ALOX5AP: variants seen among roughly 807,000 people sequenced by gnomAD.
ALOX5AP encodes arachidonate 5-lipoxygenase-activating protein.
Under a neutral mutation model 18.5 loss-of-function variants are expected in ALOX5AP, and 9 were observed. That is an observed-to-expected ratio of 0.49 (90% confidence interval 0.29 to 0.85). The LOEUF (loss-of-function observed/expected upper bound fraction) is 0.85. Among genes scored for constraint, ALOX5AP ranks in the 40% least tolerant of loss-of-function variants. ALOX5AP has a pLI of 0.08. For synonymous variants in ALOX5AP, 81 were observed against 78.6 expected (o/e 1.03, Z -0.16); for missense variants, 172 against 202.5 (o/e 0.85, Z 0.91).
chr13:30,730,437 G>A (rs1381780633), intron 1 of ALOX5AP, among the ~76,000 whole-genome samples: 2 of 152,094 alleles, frequency 1.3e-5, no homozygotes, highest in African/African-American at 4.8e-5. Context: ...GCTCAATATT[G>A]GTCTGAATAT....
chr13:30,717,139 C>T (rs140539227), intron 1 of ALOX5AP, among the ~76,000 whole-genome samples: 16 of 152,336 alleles, frequency 1.1e-4, no homozygotes, highest in Non-Finnish European at 1.9e-4. Context: ...CCAATGTCCC[C>T]GGGCAAATGA....
At chr13:30,749,287 A>G (rs980004257) in intron 2 of ALOX5AP, among the ~76,000 whole-genome samples, 27 of 152,332 alleles carry the variant, frequency 1.8e-4, no homozygotes, top group Middle Eastern at 3.4e-3. Context: ...TGCATAACCC[A>G]GACAAAATCG....
chr13:30,754,132 G>A (rs893256673), intron 3 of ALOX5AP, among the ~76,000 whole-genome samples: 3 of 152,102 alleles, frequency 2.0e-5, no homozygotes, highest in Non-Finnish European at 4.4e-5. Context: ...CCAGCTACTC[G>A]GGAGGCTGAG....
chr13:30,718,105 G>A (rs919675833), intron 1 of ALOX5AP, among the ~76,000 whole-genome samples: 9 of 151,840 alleles, frequency 5.9e-5, no homozygotes, highest in East Asian at 5.8e-4. Context: ...GATTACAGGC[G>A]TGTGCCACCA....
chr13:30,720,155 C>G (rs933002874), intron 1 of ALOX5AP, among the ~76,000 whole-genome samples: 2 of 152,186 alleles, frequency 1.3e-5, no homozygotes, highest in Non-Finnish European at 2.9e-5. Flanking sequence ...CCACCGCGCC[C>G]GGCCTCTAGA....
intron 4 of ALOX5AP, among the ~76,000 whole-genome samples, chr13:30,761,865 A>C (rs1951944792): frequency 6.6e-6 from 1 of 152,178 alleles, no homozygotes; most frequent in Admixed American, 6.5e-5. Flanking sequence ...TTATCTCTTT[A>C]AACACCCTGT....
At chr13:30,726,275 G>T (rs375696851) in intron 1 of ALOX5AP, among the ~76,000 whole-genome samples, 71 of 152,288 alleles carry the variant, frequency 4.7e-4, no homozygotes, top group African/African-American at 1.6e-3. Context: ...TTACCAAGGA[G>T]AAATTGGACT....
At chr13:30,718,330 G>C (rs1951565706) in intron 1 of ALOX5AP, among the ~76,000 whole-genome samples, 1 of 150,578 alleles carries the variant, frequency 6.6e-6, no homozygotes, top group Non-Finnish European at 1.5e-5. Context: ...TGTAGTAAGG[G>C]CTATGGGAGT....
intron 4 of ALOX5AP, among the ~76,000 whole-genome samples, chr13:30,757,330 G>A (rs1249506181): frequency 1.3e-5 from 2 of 152,096 alleles, no homozygotes; most frequent in South Asian, 2.1e-4. Flanking sequence ...ACCGTGAGCC[G>A]GGCTGCAGCT....
In ALOX5AP at chr13:30,735,549, A is replaced by G; in HGVS notation, c.-57A>G. On this transcript the variant is annotated 5_prime_UTR_variant, in exon 1 of 5. Transcript: ENST00000380490. ...AAGCTCTCACTTCCCCTTCCTGTAC[A>G]GGGCAGGTTGTGCAGCTGGAGGCAG... The G allele has an allele frequency of 6.2e-7, 1 of 1,609,900 alleles. No homozygotes were observed. Among genetic ancestry groups the G allele is most frequent in the East Asian group, 2.2e-5 (1 of 44,820 alleles).
upstream of ALOX5AP, among the ~76,000 whole-genome samples, chr13:30,730,842 C>T (rs1028569580): frequency 2.0e-5 from 3 of 152,198 alleles, no homozygotes; most frequent in African/African-American, 7.2e-5. Context: ...CACTGCTTGG[C>T]CCCAGCTGTC....
chr13:30,741,063 G>T (rs1188294418), intron 1 of ALOX5AP, among the ~76,000 whole-genome samples: 1 of 145,466 alleles, frequency 6.9e-6, no homozygotes, highest in African/African-American at 2.5e-5. Flanking sequence ...ATATAAAATG[G>T]CATAGTATTT....
intron 4 of ALOX5AP, among the ~76,000 whole-genome samples, chr13:30,761,328 C>T (rs1017584271): frequency 1.2e-4 from 19 of 152,312 alleles, no homozygotes; most frequent in Middle Eastern, 3.4e-3. Flanking sequence ...CATCAGGAGG[C>T]GCTGCCATTT....
rs1278903858 is a variant in ALOX5AP, at chr13:30,744,069, C to A, written c.80C>A (p.Ala27Asp). Residue 27 changes from alanine to aspartate, a missense_variant, in exon 2 of 5, where the codon GCC becomes GAC. Transcript: ENST00000380490. ...CCTTTTCCCTTGGCAGGATTCTTTG[C>A]CCATAAAGTGGAGCACGAAAGCAGG... is the stretch of plus-strand genomic sequence containing the variant. ...LISVVQNGFF[A>D]HKVEHESRTQ... is the part of the protein sequence containing the mutation. 1 of 1,613,940 alleles carries A rather than the reference C, an allele frequency of 6.2e-7. No individual in the cohort carries two copies. The highest frequency in any genetic ancestry group is 1.1e-5 in the South Asian group (1 of 91,076).
intron 4 of ALOX5AP, among the ~76,000 whole-genome samples, chr13:30,763,170 T>A (rs535143455): frequency 6.6e-6 from 1 of 151,826 alleles, no homozygotes; most frequent in Admixed American, 6.6e-5. Flanking sequence ...TAGCTGGGAG[T>A]GGTGGCGTGC....
At chr13:30,756,990 A>C (rs913922328) in intron 4 of ALOX5AP, among the ~76,000 whole-genome samples, 2 of 152,186 alleles carry the variant, frequency 1.3e-5, no homozygotes, top group Non-Finnish European at 2.9e-5. Flanking sequence ...TAATACTTAC[A>C]GAAGAAATGT....
chr13:30,723,780 T>C (rs1036422140), intron 1 of ALOX5AP, among the ~76,000 whole-genome samples: 2 of 152,240 alleles, frequency 1.3e-5, no homozygotes, highest in Non-Finnish European at 2.9e-5. Context: ...TTTAAATTTT[T>C]TTAGAGACAG....
chr13:30,723,338 G>A (rs1951609058), intron 1 of ALOX5AP, among the ~76,000 whole-genome samples: 1 of 152,178 alleles, frequency 6.6e-6, no homozygotes, highest in Non-Finnish European at 1.5e-5. Context: ...AGTTGTTCCA[G>A]CACCATTTGT....
intron 1 of ALOX5AP, among the ~76,000 whole-genome samples, chr13:30,723,225 G>A (rs1247924175): frequency 6.6e-6 from 1 of 152,186 alleles, no homozygotes; most frequent in Non-Finnish European, 1.5e-5. Context: ...TCATTGCTAA[G>A]GAGATACAAG....
Sources: allele counts gnomAD v4.1 joint callset (sites outside exome capture counted in the v4.1 genomes callset), GRCh38; gene constraint gnomAD v4.1.1; transcripts MANE v1.5; gene names NCBI Gene and HGNC (gene_info 2026-07-23, HGNC 2026-07-21).